Variants in RAD51B observed in about 807,000 individuals in gnomAD.
RAD51B encodes the protein DNA repair protein RAD51 homolog 2.
In RAD51B, 38 loss-of-function variants were observed where a neutral mutation model predicts 42.2. The ratio of observed to expected loss-of-function variants is 0.90; its 90% CI spans 0.70 to 1.18. The LOEUF (loss-of-function observed/expected upper bound fraction) is 1.18. Ranked by LOEUF, RAD51B falls within the 50% of genes most tolerant of loss-of-function variation. RAD51B has a pLI of 0.00. For missense variants in RAD51B, 373 were observed against 400.7 expected (o/e 0.93, Z 0.59); for synonymous variants, 154 against 145.2 (o/e 1.06, Z -0.43).
At chr14:68,319,038 A>T (rs1209696405) in intron 8 of RAD51B, among the ~76,000 whole-genome samples, 1 of 152,134 alleles carries the variant, frequency 6.6e-6, no homozygotes, top group Non-Finnish European at 1.5e-5. Context: ...GAGATGCTTT[A>T]AAAAAACCTC....
At chr14:67,903,431 T>TA (rs895133418) in intron 7 of RAD51B, among the ~76,000 whole-genome samples, 9 of 152,048 alleles carry the variant, frequency 5.9e-5, no homozygotes, top group Non-Finnish European at 8.8e-5. Flanking sequence ...TTAAGGCATT[T>TA]AAAAAAAATG....
intron 7 of RAD51B, among the ~76,000 whole-genome samples, chr14:68,158,471 C>T (rs539532273): frequency 6.6e-6 from 1 of 152,190 alleles, no homozygotes. Flanking sequence ...TTGCTGTCTT[C>T]TTTAGGTAAG....
chr14:67,949,450 A>G (rs779349785), intron 7 of RAD51B, among the ~76,000 whole-genome samples: 6 of 152,172 alleles, frequency 3.9e-5, no homozygotes, highest in Non-Finnish European at 8.8e-5. Context: ...GATTGTAACA[A>G]TTCAGTCACA....
At chr14:68,463,165 G>A (rs1234038145) in intron 9 of RAD51B, among the ~76,000 whole-genome samples, 1 of 152,156 alleles carries the variant, frequency 6.6e-6, no homozygotes. Flanking sequence ...ATTACCTGCT[G>A]GGGGGTTGTC....
intron 8 of RAD51B, among the ~76,000 whole-genome samples, chr14:68,344,833 G>T (rs1361875505): frequency 2.7e-5 from 4 of 148,622 alleles, no homozygotes; most frequent in Non-Finnish European, 5.9e-5. Context: ...TGTAGTCCCA[G>T]CTACTCGGGA....
intron 7 of RAD51B, among the ~76,000 whole-genome samples, chr14:68,194,893 A>G (rs1033815888): frequency 1.3e-5 from 2 of 152,188 alleles, no homozygotes; most frequent in African/African-American, 2.4e-5. Context: ...AGTCTATCCT[A>G]AGTTGATTTG....
At chr14:68,416,005 T>A (rs1265785666) in intron 9 of RAD51B, among the ~76,000 whole-genome samples, 1 of 152,198 alleles carries the variant, frequency 6.6e-6, no homozygotes, top group Non-Finnish European at 1.5e-5. Flanking sequence ...ATGAACTTTC[T>A]AATAATATTT....
intron 4 of RAD51B, among the ~76,000 whole-genome samples, chr14:67,849,342 C>T (rs550251009): frequency 8.0e-4 from 122 of 152,192 alleles, no homozygotes; most frequent in African/African-American, 2.5e-3. Flanking sequence ...AGTGCAATGG[C>T]GCAAACTCGA....
chr14:68,549,408 C>CTTTTTT (rs1888400828), intron 10 of RAD51B, among the ~76,000 whole-genome samples: 8 of 71,318 alleles, frequency 1.1e-4, no homozygotes, highest in East Asian at 6.5e-4. Flanking sequence ...GCCCTGGACA[C>CTTTTTT]ATTTTTTTTT....
At position 67,865,134 on chromosome 14, in the gene RAD51B, T is replaced by C. The variant is rs763578120; in HGVS notation, c.447T>C (p.Ala149=). ...TTGACACAGAGTCTGCATTTAGTGC[T>C]GAAAGGTATGAGATTTTATTTTCTA... The part of the protein sequence containing the change: ...VYIDTESAFS[A]ERLVEIAESR... The change falls in exon 5 of 11, where the codon GCT becomes GCC. Residue 149 remains alanine, a synonymous_variant. Transcript: ENST00000471583. 2.8e-5 allele frequency: 44 copies of C among 1,594,602 alleles called. No homozygotes were observed. Among genetic ancestry groups the C allele is most frequent in the Non-Finnish European group, 3.5e-5 (41 of 1,172,222 alleles).
intron 7 of RAD51B, among the ~76,000 whole-genome samples, chr14:67,933,368 T>A (rs143033956): frequency 6.6e-6 from 1 of 152,240 alleles, no homozygotes; most frequent in East Asian, 1.9e-4. Flanking sequence ...GATTTCCAGG[T>A]CAGGATGCAG....
At chr14:68,029,375 A>G (rs2076005135) in intron 7 of RAD51B, among the ~76,000 whole-genome samples, 1 of 152,154 alleles carries the variant, frequency 6.6e-6, no homozygotes, top group South Asian at 2.1e-4. Context: ...GGAATATTCT[A>G]AATCTTTTGT....
chr14:67,912,524 A>T (rs564551756), intron 7 of RAD51B, among the ~76,000 whole-genome samples: 8 of 152,194 alleles, frequency 5.3e-5, no homozygotes, highest in Admixed American at 2.6e-4. Flanking sequence ...AGGAGTTCAG[A>T]TTCTACTGAT....
chr14:67,922,124 A>T (rs2044346439), intron 7 of RAD51B, among the ~76,000 whole-genome samples: 1 of 152,140 alleles, frequency 6.6e-6, no homozygotes, highest in Admixed American at 6.5e-5. Context: ...CTGTATGACC[A>T]ATTATTTTGA....
intron 7 of RAD51B, among the ~76,000 whole-genome samples, chr14:68,001,325 TC>T (rs2140310927): frequency 1.3e-5 from 2 of 152,264 alleles, no homozygotes; most frequent in South Asian, 4.1e-4. Flanking sequence ...TTTTTCTTAT[TC>T]CTGATTTCCG....
At chr14:68,025,463 C>T (rs1469120291) in intron 7 of RAD51B, among the ~76,000 whole-genome samples, 1 of 140,096 alleles carries the variant, frequency 7.1e-6, no homozygotes, top group African/African-American at 2.7e-5. Flanking sequence ...GCTGTGAATC[C>T]ATCTGGTCTA....
At chr14:68,503,841 G>A (rs766393215) in intron 10 of RAD51B, among the ~76,000 whole-genome samples, 4 of 152,196 alleles carry the variant, frequency 2.6e-5, no homozygotes, top group African/African-American at 9.7e-5. Flanking sequence ...TCTCTGAGGC[G>A]CTAAATAAAA....
At chr14:68,041,822 G>C (rs1247025975) in intron 7 of RAD51B, among the ~76,000 whole-genome samples, 2 of 152,080 alleles carry the variant, frequency 1.3e-5, no homozygotes, top group Non-Finnish European at 2.9e-5. Context: ...TTTTTACTAA[G>C]ATGTGCCTAT....
intron 5 of RAD51B, among the ~76,000 whole-genome samples, chr14:67,871,530 C>T (rs1426773144): frequency 6.6e-6 from 1 of 152,170 alleles, no homozygotes; most frequent in Non-Finnish European, 1.5e-5. Context: ...TGGTACCATT[C>T]CTTCTGAAAC....
Sources: allele counts gnomAD v4.1 joint callset (sites outside exome capture counted in the v4.1 genomes callset), GRCh38; gene constraint gnomAD v4.1.1; transcripts MANE v1.5; gene names NCBI Gene and HGNC (gene_info 2026-07-23, HGNC 2026-07-21).